Variants in BMPR1A observed in about 807,000 individuals in gnomAD.
BMPR1A encodes bone morphogenetic protein receptor type 1A, also known as bone morphogenetic protein receptor type-1A.
BMPR1A carries 7 observed loss-of-function variants against 66.0 expected under a neutral mutation model. The observed-to-expected ratio is 0.11, with a 90% CI of 0.06 to 0.20. The LOEUF is 0.20. BMPR1A is among the 10% of genes least tolerant of loss of function. BMPR1A has a pLI of 1.00. For missense variants in BMPR1A, 408 were observed against 669.1 expected, an observed-to-expected ratio of 0.61 and a Z score of 4.31; for synonymous variants, 200 against 229.7, an observed-to-expected ratio of 0.87 and a Z score of 1.17.
At chr10:86,820,726 A>G (rs1414311156) in intron 1 of BMPR1A, among the ~76,000 whole-genome samples, 1 of 152,056 alleles carries the variant, frequency 6.6e-6, no homozygotes. Context: ...CCTGTTTAGC[A>G]CCTGTCACTG....
intron 1 of BMPR1A, among the ~76,000 whole-genome samples, chr10:86,822,881 C>T (rs1842141827): frequency 6.6e-6 from 1 of 152,110 alleles, no homozygotes; most frequent in Non-Finnish European, 1.5e-5. Context: ...ATGCCCGCCT[C>T]AGCCTCCCAG....
intron 1 of BMPR1A, among the ~76,000 whole-genome samples, chr10:86,804,011 T>C (rs1162628853): frequency 6.6e-6 from 1 of 152,196 alleles, no homozygotes; most frequent in Non-Finnish European, 1.5e-5. Context: ...TGAATGATAC[T>C]ATTTTTCCAC....
At chr10:86,771,788 C>T (rs1395990226) in intron 1 of BMPR1A, among the ~76,000 whole-genome samples, 1 of 152,112 alleles carries the variant, frequency 6.6e-6, no homozygotes, top group Non-Finnish European at 1.5e-5. Context: ...AGCAGGGTCT[C>T]ACGCATTCCA....
At chr10:86,872,113 T>C (rs1464747720) in intron 2 of BMPR1A, among the ~76,000 whole-genome samples, 1 of 152,208 alleles carries the variant, frequency 6.6e-6, no homozygotes. Flanking sequence ...CGTATTGAGC[T>C]CGTAGTCAGG....
At chr10:86,829,588 A>G (rs533659803) in intron 1 of BMPR1A, among the ~76,000 whole-genome samples, 14 of 152,340 alleles carry the variant, frequency 9.2e-5, no homozygotes, top group Middle Eastern at 6.8e-3. Flanking sequence ...TGTGCTGCAC[A>G]CACCTGCCCC....
At chr10:86,774,978 C>T (rs1479202777) in intron 1 of BMPR1A, among the ~76,000 whole-genome samples, 1 of 152,156 alleles carries the variant, frequency 6.6e-6, no homozygotes. Flanking sequence ...TAAAATACTT[C>T]CCGTGAAAGG....
At chr10:86,765,092 A>G (rs1841140844) in intron 1 of BMPR1A, among the ~76,000 whole-genome samples, 1 of 152,116 alleles carries the variant, frequency 6.6e-6, no homozygotes, top group Non-Finnish European at 1.5e-5. Flanking sequence ...TACTTTTTAA[A>G]TGTGGCAACT....
At chr10:86,767,201 A>G (rs576221360) in intron 1 of BMPR1A, among the ~76,000 whole-genome samples, 19 of 152,302 alleles carry the variant, frequency 1.2e-4, no homozygotes, top group African/African-American at 4.3e-4. Context: ...TGTTGTATGA[A>G]TATTAAAAAA....
intron 1 of BMPR1A, among the ~76,000 whole-genome samples, chr10:86,790,188 AATATATATAT>A (rs1228412063): frequency 0.012 from 240 of 20,164 alleles, 6 homozygotes; most frequent in Middle Eastern, 0.033. Flanking sequence ...AAAAAAAAAA[AATATATATAT>A]ATATATATAT....
At chr10:86,758,874 A>G (rs951695028) in intron 1 of BMPR1A, among the ~76,000 whole-genome samples, 2 of 152,206 alleles carry the variant, frequency 1.3e-5, no homozygotes, top group African/African-American at 4.8e-5. Flanking sequence ...CATCGACTTC[A>G]CATTTTCAGA....
intron 2 of BMPR1A, among the ~76,000 whole-genome samples, chr10:86,872,059 C>A (rs1400060703): frequency 6.6e-6 from 1 of 152,188 alleles, no homozygotes. Flanking sequence ...TCCCTTCATT[C>A]TCAGACTGCA....
intron 9 of BMPR1A, among the ~76,000 whole-genome samples, 198 bp downstream of exon 9, chr10:86,917,524 A>C (rs949555950): frequency 6.6e-6 from 1 of 152,240 alleles, no homozygotes; most frequent in Non-Finnish European, 1.5e-5. Flanking sequence ...CAGCTGAAGA[A>C]ACAGCAGTGA....
At chr10:86,876,972 G>T (rs1842927897) in intron 3 of BMPR1A, among the ~76,000 whole-genome samples, 1 of 152,100 alleles carries the variant, frequency 6.6e-6, no homozygotes, top group Non-Finnish European at 1.5e-5. Context: ...AGGACCAGAT[G>T]GCCTGTATTT....
chr10:86,871,403 TACAG>T lies in BMPR1A; in HGVS notation c.-152-4462_-152-4459del, dbSNP rs140491235. 4.2e-3 allele frequency among the ~76,000 whole-genome samples: 635 copies of T among 152,342 alleles called. 7 individuals are homozygous for T. The highest frequency in any genetic ancestry group is 0.014 in the African/African-American group (601 of 41,580). On this transcript the variant is annotated intron_variant, in intron 2 of 12. Coordinates refer to ENST00000372037, the MANE Select transcript of BMPR1A (RefSeq NM_004329.3). ...TGAACAGTGTATTCTTGGTATCTAA[TACAG>T]AATCATGCATAGCACAGACACTTAA...
chr10:86,883,564 A>G (rs886076171), intron 3 of BMPR1A, among the ~76,000 whole-genome samples: 2 of 149,386 alleles, frequency 1.3e-5, no homozygotes, highest in African/African-American at 2.5e-5. Context: ...AAAAAAAAAA[A>G]AAAAAAGACC....
At chr10:86,821,918 T>A (rs1842125298) in intron 1 of BMPR1A, among the ~76,000 whole-genome samples, 1 of 152,072 alleles carries the variant, frequency 6.6e-6, no homozygotes, top group East Asian at 1.9e-4. Context: ...GTCCTCTCAC[T>A]TCAGCCTCCT....
rs570031414 is a variant in BMPR1A at position 86,758,575 on chromosome 10, CT to C, written c.-268+1660del. On this transcript the variant is annotated intron_variant, in intron 1 of 12. Coordinates refer to ENST00000372037, the MANE Select transcript of BMPR1A (RefSeq NM_004329.3). ...TCAAGCTGTCTTGTTGCTGCTTTTC[CT>C]TTTCAAATCTTATTAACATTTTAAA... is the stretch of plus-strand genomic sequence containing the variant. Among the ~76,000 whole-genome samples, 50 of 152,276 alleles carry C rather than the reference CT, an allele frequency of 3.3e-4. No individual in the cohort carries two copies. In the South Asian group the frequency reaches 0.01, roughly 31 times the overall value.
chr10:86,794,855 G>GTT (rs528451566), intron 1 of BMPR1A, among the ~76,000 whole-genome samples: 22 of 144,666 alleles, frequency 1.5e-4, no homozygotes, highest in South Asian at 2.2e-4. Context: ...TATAGATATA[G>GTT]TTTTTTTTTT....
chr10:86,856,208 G>A (rs1009858881), intron 2 of BMPR1A: 17 of 525,480 alleles, frequency 3.2e-5, no homozygotes, highest in East Asian at 2.7e-4. Flanking sequence ...TCACTACATC[G>A]TTGTAGTGAG....
Sources: gnomAD v4.1 joint callset for allele counts (sites outside exome capture counted in the v4.1 genomes callset) on GRCh38, gnomAD v4.1.1 for gene constraint, MANE v1.5 for transcripts, NCBI Gene and HGNC (gene_info 2026-07-23, HGNC 2026-07-21) for gene names.